GIPC1: variants seen among roughly 807,000 people sequenced by gnomAD.
GIPC1 encodes PDZ domain-containing protein GIPC1.
GIPC1 carries 15 observed loss-of-function variants against 28.5 expected under a neutral mutation model. The ratio of observed to expected loss-of-function variants is 0.53; its 90% CI spans 0.35 to 0.81. GIPC1 has a LOEUF of 0.81. GIPC1 is among the 30% of genes least tolerant of loss of function. GIPC1 has a pLI of 0.01. For missense variants in GIPC1, 439 were observed against 481.9 expected, an observed-to-expected ratio of 0.91 and a Z score of 0.83; for synonymous variants, 224 against 206.1, an observed-to-expected ratio of 1.09 and a Z score of -0.74.
intron 4 of GIPC1, chr19:14,482,315 T>C (rs1599350553): frequency 1.3e-5 from 4 of 317,694 alleles, no homozygotes; most frequent in East Asian, 9.0e-5. Context: ...TCAGTGCCTG[T>C]TGGGAACTCA....
At position 14,478,834 on chromosome 19, in the gene GIPC1, C is replaced by T. The variant is rs2071661652; in HGVS notation, c.769-69G>A. The T allele has an allele frequency of 2.7e-6, 3 of 1,107,380 alleles. No homozygotes were observed. Among genetic ancestry groups the T allele is most frequent in the Non-Finnish European group, 4.2e-6 (3 of 720,022 alleles). 68.6% of individuals were successfully genotyped at this position (1,107,380 alleles called of 1,614,324 possible). ...ATATACATAGTAATTGGACGGACTGCCATTGTCACCACTTTACATATATTC... is the reference window on the plus strand; with the variant it reads ...ATATACATAGTAATTGGACGGACTGTCATTGTCACCACTTTACATATATTC... On this transcript the variant is annotated intron_variant, in intron 7 of 8. Transcript: ENST00000393033. The surrounding 1 kb of genome is among the most constrained non-coding windows in gnomAD (Gnocchi z 5.2).
Position 14,494,491 on chromosome 19 carries a change from A to C in GIPC1, c.-175+1546T>G, listed in dbSNP as rs116971757. The stretch of plus-strand genomic sequence containing the variant: ...TATTCATAGCAGTTAGTGCCATCTG[A>C]AATTATCTTCTTTATTTACTTGCTA... On this transcript the variant is annotated intron_variant, in intron 1 of 8. Transcript: ENST00000393033. Among the ~76,000 whole-genome samples the C allele has an allele frequency of 9.2e-3, 1,403 of 152,280 alleles. 19 individuals carry two copies. Among genetic ancestry groups the C allele is most frequent in the Non-Finnish European group, 0.013 (865 of 68,002 alleles).
Position 14,491,897 on chromosome 19 carries a change from G to A in GIPC1, c.-118-154C>T, listed in dbSNP as rs916273843. On this transcript the variant is annotated intron_variant, in intron 2 of 8. Coordinates refer to ENST00000393033, the MANE Select transcript of GIPC1 (RefSeq NM_005716.4). ...GGCCGAGGTGGGCATGAGCCACCAC[G>A]CCCAGCCATATATTTTCAAAATTAG... is the stretch of plus-strand genomic sequence containing the variant. 9.2e-5 allele frequency among the ~76,000 whole-genome samples: 14 copies of A among 152,088 alleles called. No individual in the cohort carries two copies. The East Asian group carries it at 1.4e-3, about 15-fold the overall frequency.
intron 3 of GIPC1, among the ~76,000 whole-genome samples, chr19:14,490,405 C>CGGT (rs2071942733): frequency 6.6e-6 from 1 of 151,440 alleles, no homozygotes; most frequent in South Asian, 2.1e-4. Flanking sequence ...AGGCCAGGAA[C>CGGT]GGTGGTTCAC....
At chr19:14,494,521 G>T (rs2072037713) in intron 1 of GIPC1, among the ~76,000 whole-genome samples, 2 of 152,194 alleles carry the variant, frequency 1.3e-5, no homozygotes, top group Non-Finnish European at 2.9e-5. Flanking sequence ...TTGCTAACTT[G>T]TTTGTTGGCT....
At chr19:14,488,320 G>A (rs1027031634) in intron 3 of GIPC1, among the ~76,000 whole-genome samples, 3 of 152,040 alleles carry the variant, frequency 2.0e-5, no homozygotes, top group Admixed American at 2.0e-4. Flanking sequence ...GCGTGGTGGT[G>A]CACACCTGTG....
rs1203140023 is a variant in GIPC1 at position 14,482,871 on chromosome 19, C to A, written c.106G>T (p.Gly36Cys). ...GLGVGEPGPLGGGGSGGPQMG... is the reference protein window; with the variant it reads ...GLGVGEPGPLCGGGSGGPQMG... ...TGGGGGCCCCCCGACCCACCTCCGC[C>A]CAGAGGCCCTGGCTCCCCCACGCCC... Residue 36 changes from glycine (G) to cysteine (C), a missense_variant, in exon 4 of 9, where the codon GGC becomes TGC. Physicochemically the swap from Gly to Cys is radical, Grantham distance 159. Coordinates refer to ENST00000393033, the MANE Select transcript of GIPC1 (RefSeq NM_005716.4). 2.5e-6 allele frequency: 4 copies of A among 1,582,712 alleles called. No individual in the cohort carries two copies. The African/African-American group carries it at 5.4e-5, about 21-fold the overall frequency.
At chr19:14,480,173 C>T (rs2146460691) in intron 6 of GIPC1, 132 bp downstream of exon 6, 3 of 747,704 alleles carry the variant, frequency 4.0e-6, no homozygotes, top group South Asian at 3.4e-5. Flanking sequence ...GGAGCTGCAA[C>T]CCCTTCCCTT....
At chr19:14,482,606 G>A (rs908322834) in intron 4 of GIPC1, 83 bp downstream of exon 4, 15 of 1,366,090 alleles carry the variant, frequency 1.1e-5, no homozygotes, top group Admixed American at 9.3e-5. Context: ...TTCAGCATCT[G>A]AGCCCCAGCT....
At chr19:14,486,243 C>T (rs899685680) in intron 3 of GIPC1, among the ~76,000 whole-genome samples, 2 of 152,112 alleles carry the variant, frequency 1.3e-5, no homozygotes, top group African/African-American at 4.8e-5. Flanking sequence ...ACAATTATGC[C>T]CATTGAACAG....
chr19:14,483,921 T>C (rs2071784645), intron 3 of GIPC1, among the ~76,000 whole-genome samples: 1 of 151,912 alleles, frequency 6.6e-6, no homozygotes, highest in Admixed American at 6.6e-5. Flanking sequence ...GCAGCCTTGA[T>C]CTCCCAGGCT....
At chr19:14,489,930 C>T (rs2146488313) in intron 3 of GIPC1, among the ~76,000 whole-genome samples, 1 of 151,880 alleles carries the variant, frequency 6.6e-6, no homozygotes. Context: ...AAATTTGATC[C>T]CCAAAGTGGT....
intron 6 of GIPC1, chr19:14,480,073 C>T: frequency 1.7e-6 from 1 of 593,272 alleles, no homozygotes; most frequent in Non-Finnish European, 3.0e-6. Context: ...GCTAATGGCC[C>T]CTGGAAGCTA....
chr19:14,478,338 G>A lies in GIPC1; in HGVS notation c.*78C>T. 7.1e-7 allele frequency: 1 copy of A among 1,416,216 alleles called. No homozygotes were observed. Among genetic ancestry groups the A allele is most frequent in the Non-Finnish European group, 9.6e-7 (1 of 1,043,284 alleles). The allele number at this position is 1,416,216 out of a possible 1,614,324, so 87.7% of individuals were successfully genotyped here. On this transcript the variant is annotated 3_prime_UTR_variant, in exon 9 of 9. Coordinates refer to ENST00000393033, the MANE Select transcript of GIPC1 (RefSeq NM_005716.4). The surrounding 1 kb of genome is among the most constrained non-coding windows in gnomAD (Gnocchi z 5.2). ...GAGCTAGGCTCAGGCTGGAGGCTCGGGTCCTGACGTCAGTGTCCCTGCTGG... is the reference window on the plus strand; with the variant it reads ...GAGCTAGGCTCAGGCTGGAGGCTCGAGTCCTGACGTCAGTGTCCCTGCTGG...
At chr19:14,484,746 G>GAAAACAA (rs201729538) in intron 3 of GIPC1, among the ~76,000 whole-genome samples, 11 of 151,726 alleles carry the variant, frequency 7.2e-5, no homozygotes, top group African/African-American at 2.2e-4. Context: ...CTCAAAAACA[G>GAAAACAA]AAAACAAAAA....
At chr19:14,495,419 G>A (rs1261656229) in intron 1 of GIPC1, among the ~76,000 whole-genome samples, 1 of 152,092 alleles carries the variant, frequency 6.6e-6, no homozygotes, top group African/African-American at 2.4e-5. Flanking sequence ...TGGACCCTGG[G>A]GCATGAGTTC....
intron 3 of GIPC1, among the ~76,000 whole-genome samples, chr19:14,486,562 C>T (rs1277143020): frequency 6.6e-6 from 1 of 152,108 alleles, no homozygotes; most frequent in Non-Finnish European, 1.5e-5. Context: ...CCCTGAATGA[C>T]TACGGTGAAT....
chr19:14,492,037 C>T (rs1374555706), intron 2 of GIPC1, among the ~76,000 whole-genome samples: 1 of 151,818 alleles, frequency 6.6e-6, no homozygotes, highest in East Asian at 2.0e-4. Context: ...CACTGCACTC[C>T]AGCCTGGGTG....
At position 14,480,623 on chromosome 19, in the gene GIPC1, C is replaced by T. The variant is rs771163337; in HGVS notation, c.444G>A (p.Thr148=). 1.1e-5 allele frequency: 17 copies of T among 1,614,058 alleles called. No homozygotes were observed. The highest frequency in any genetic ancestry group is 1.7e-5 in the Admixed American group (1 of 60,006). The change falls in exon 5 of 9, where the codon ACG becomes ACA. Residue 148 remains threonine (T), a synonymous_variant. Coordinates refer to ENST00000393033, the MANE Select transcript of GIPC1 (RefSeq NM_005716.4). ...KSEDALGLTI[T]DNGAGYAFIK... is the part of the protein sequence containing the mutation. ...TGAAGGCGTAGCCAGCCCCGTTGTCCGTGATGGTGAGCCCGAGTGCATCCT... is the reference window on the plus strand; with the variant it reads ...TGAAGGCGTAGCCAGCCCCGTTGTCTGTGATGGTGAGCCCGAGTGCATCCT...
Sources: allele counts gnomAD v4.1 joint callset (sites outside exome capture counted in the v4.1 genomes callset), GRCh38; gene constraint gnomAD v4.1.1; non-coding constraint Gnocchi (gnomAD v3.1); transcripts MANE v1.5; gene names NCBI Gene and HGNC (gene_info 2026-07-23, HGNC 2026-07-21).